The following SAMD4A variants were observed in gnomAD, a reference collection of about 807,000 sequenced individuals.
SAMD4A encodes the protein sterile alpha motif domain containing 4A.
A neutral mutation model predicts 81.3 loss-of-function variants in SAMD4A; 33 were observed. The observed-to-expected ratio is 0.41, with a 90% confidence interval of 0.31 to 0.54. The LOEUF (loss-of-function observed/expected upper bound fraction) is 0.54. SAMD4A is among the 20% of genes least tolerant of loss of function. The pLI, the probability that SAMD4A is intolerant of heterozygous loss-of-function variation, is 0.37. For synonymous variants in SAMD4A, 389 were observed against 382.1 expected (o/e 1.02, Z -0.21); for missense variants, 854 against 951.1 (o/e 0.90, Z 1.34).
chr14:54,595,348 A>G (rs2033883119), intron 2 of SAMD4A, among the ~76,000 whole-genome samples: 1 of 151,464 alleles, frequency 6.6e-6, no homozygotes, highest in Admixed American at 6.6e-5. Flanking sequence ...GAGTCCTCTT[A>G]TCTTCATAGC....
intron 2 of SAMD4A, among the ~76,000 whole-genome samples, chr14:54,663,879 A>C (rs1299238809): frequency 6.6e-6 from 1 of 152,204 alleles, no homozygotes; most frequent in Non-Finnish European, 1.5e-5. Flanking sequence ...CATCCCACCC[A>C]TCCCATCAGC....
chr14:54,776,704 G>A (rs1488244937), intron 11 of SAMD4A, among the ~76,000 whole-genome samples, 164 bp downstream of exon 11: 6 of 152,212 alleles, frequency 3.9e-5, no homozygotes, highest in African/African-American at 9.7e-5. Context: ...CATGAATAGC[G>A]GCGGCTTGGC....
Position 54,702,317 on chromosome 14 carries a change from A to C in SAMD4A, c.452A>C (p.Glu151Ala). 6.2e-7 allele frequency: 1 copy of C among 1,613,532 alleles called. No homozygotes were observed. Among genetic ancestry groups the C allele is most frequent in the Non-Finnish European group, 8.5e-7 (1 of 1,179,606 alleles). The change falls in exon 3 of 13, where the codon GAG (glutamate) becomes GCG (alanine). Residue 151 changes from glutamate to alanine, a missense_variant. Physicochemically the swap from Glu to Ala is moderately radical, Grantham distance 107. Around this residue, in one of 3 missense-constraint regions of SAMD4A, gnomAD observed 387 missense variants for 405.8 expected, o/e 0.95. Transcript: ENST00000554335. The stretch of plus-strand genomic sequence containing the variant: ...TTAGCCATGTGGCTGAATCACTTGG[A>C]GGACCGCACGTCGACCAGCTTTGGT... ...SALAMWLNHL[E>A]DRTSTSFGGQ...
chr14:54,689,821 AC>A (rs2036386671), intron 2 of SAMD4A: 1 of 152,176 alleles, frequency 6.6e-6, no homozygotes, highest in Non-Finnish European at 1.5e-5. Context: ...AATACATTGG[AC>A]ATGTGACCTG....
chr14:54,638,213 C>A (rs1343767989), intron 2 of SAMD4A, among the ~76,000 whole-genome samples: 1 of 152,194 alleles, frequency 6.6e-6, no homozygotes, highest in African/African-American at 2.4e-5. Flanking sequence ...CTTAGGGCAA[C>A]TGTGTGTCTG....
chr14:54,590,181 A>C (rs1350764948), intron 2 of SAMD4A, among the ~76,000 whole-genome samples: 3 of 152,208 alleles, frequency 2.0e-5, no homozygotes, highest in African/African-American at 7.2e-5. Context: ...AAAGTGCTAT[A>C]AGAAAAATAA....
At chr14:54,663,005 G>A (rs528958214) in intron 2 of SAMD4A, among the ~76,000 whole-genome samples, 1 of 152,304 alleles carries the variant, frequency 6.6e-6, no homozygotes, top group South Asian at 2.1e-4. Context: ...CCAGACCACA[G>A]GGGTCCAAGT....
At chr14:54,605,278 A>G (rs184987642) in intron 2 of SAMD4A, among the ~76,000 whole-genome samples, 1 of 152,250 alleles carries the variant, frequency 6.6e-6, no homozygotes, top group East Asian at 1.9e-4. Flanking sequence ...GCAAAAAAAA[A>G]ACCCAGCAGA....
intron 2 of SAMD4A, among the ~76,000 whole-genome samples, chr14:54,645,598 A>G (rs1180945343): frequency 6.6e-6 from 1 of 152,230 alleles, no homozygotes. Flanking sequence ...TAAAATATGA[A>G]TAAGGCACTC....
intron 8 of SAMD4A, among the ~76,000 whole-genome samples, chr14:54,766,987 G>A (rs1043038018): frequency 6.6e-6 from 1 of 152,176 alleles, no homozygotes; most frequent in African/African-American, 2.4e-5. Context: ...GATCTCCTCT[G>A]GTTGCCCAGA....
Position 54,765,336 on chromosome 14 carries a change from T to A in SAMD4A, c.1596+796T>A, listed in dbSNP as rs192291177. ...GGATTTCGATGTGAGAATAAGATAG[T>A]AAGGGGGCCGGGGTGGTGGGTCACA... On this transcript the variant is annotated intron_variant, in intron 8 of 12. Transcript: ENST00000554335. Among the ~76,000 whole-genome samples, 69 of 151,700 alleles carry A rather than the reference T, an allele frequency of 4.5e-4. No homozygotes were observed. In the East Asian group the frequency reaches 0.012, roughly 27 times the overall value.
At chr14:54,727,697 T>C (rs923963757) in intron 3 of SAMD4A, among the ~76,000 whole-genome samples, 1 of 152,206 alleles carries the variant, frequency 6.6e-6, no homozygotes, top group Non-Finnish European at 1.5e-5. Flanking sequence ...TGTATGACCA[T>C]GAAAAGGCCA....
intron 2 of SAMD4A, among the ~76,000 whole-genome samples, chr14:54,677,054 A>C (rs542393806): frequency 2.0e-5 from 3 of 152,318 alleles, no homozygotes; most frequent in African/African-American, 7.2e-5. Context: ...TAGTTATCTA[A>C]CTTGTTATCT....
In SAMD4A at chr14:54,748,303, C is replaced by T. The variant is rs574203496; in HGVS notation, c.980-512C>T. Reference sequence around the variant, plus strand: ...CATTTTCCTATCACTGTAGGAGTGGCTGAAACAGTGTGTGAAAATCTGCAT... The same window carrying T: ...CATTTTCCTATCACTGTAGGAGTGGTTGAAACAGTGTGTGAAAATCTGCAT... On this transcript the variant is annotated intron_variant, in intron 4 of 12. Coordinates refer to ENST00000554335, the MANE Select transcript of SAMD4A (RefSeq NM_015589.6). Among the ~76,000 whole-genome samples, 4 of 152,306 alleles carry T rather than the reference C, an allele frequency of 2.6e-5. No individual in the cohort carries two copies. The East Asian group carries it at 5.8e-4, about 22-fold the overall frequency.
chr14:54,568,144 G>T (rs1033880822), intron 2 of SAMD4A, 32 bp downstream of exon 2: 7 of 1,402,562 alleles, frequency 5.0e-6, no homozygotes, highest in Non-Finnish European at 6.5e-6. Context: ...CCGCCGTCCC[G>T]CCTGCCCAAC....
At chr14:54,589,507 T>C (rs2033717727) in intron 2 of SAMD4A, among the ~76,000 whole-genome samples, 1 of 152,204 alleles carries the variant, frequency 6.6e-6, no homozygotes, top group Non-Finnish European at 1.5e-5. Flanking sequence ...GTAATAAGCC[T>C]ATTGATATTA....
At chr14:54,722,161 A>G (rs2037276667) in intron 3 of SAMD4A, among the ~76,000 whole-genome samples, 1 of 152,204 alleles carries the variant, frequency 6.6e-6, no homozygotes, top group Non-Finnish European at 1.5e-5. Flanking sequence ...TCCATAAACA[A>G]TACTTCACAT....
In SAMD4A at chr14:54,792,735, T is replaced by TGTTTGCAAAGTGA. The variant is rs1372438615; in HGVS notation, c.*3796_*3808dup. 2 of 151,972 alleles carry TGTTTGCAAAGTGA rather than the reference T, an allele frequency of 1.3e-5. No individual in the cohort carries two copies. Among genetic ancestry groups the TGTTTGCAAAGTGA allele is most frequent in the African/African-American group, 4.8e-5 (2 of 41,360 alleles). 9.4% of individuals were successfully genotyped at this position (151,972 alleles called of 1,614,324 possible). ...TTTTTTTTTTACAAGTCATCAGAGA[T>TGTTTGCAAAGTGA]GTTTGCAAAGTGAGTTTTATTTTTT... On this transcript the variant is annotated 3_prime_UTR_variant, in exon 13 of 13. Transcript: ENST00000554335.
At position 54,620,759 on chromosome 14, in the gene SAMD4A, C is replaced by T. The variant is rs564449431; in HGVS notation, c.196+52647C>T. Among the ~76,000 whole-genome samples, 5 of 152,204 alleles carry T rather than the reference C, an allele frequency of 3.3e-5. No individual in the cohort carries two copies. In the East Asian group the frequency reaches 7.7e-4, roughly 23 times the overall value. Reference sequence around the variant, plus strand: ...CCTAGAAAAAAATCATTGCTCCATTCATTTATTTATTTATTTTAGAGACAG... The same window carrying T: ...CCTAGAAAAAAATCATTGCTCCATTTATTTATTTATTTATTTTAGAGACAG... On this transcript the variant is annotated intron_variant, in intron 2 of 12. Transcript: ENST00000554335.
Sources: allele counts gnomAD v4.1 joint callset (sites outside exome capture counted in the v4.1 genomes callset), GRCh38; gene constraint gnomAD v4.1.1; regional missense constraint gnomAD v4.1.1; transcripts MANE v1.5; gene names NCBI Gene and HGNC (gene_info 2026-07-23, HGNC 2026-07-21).